The following ESRRG variants were observed in gnomAD, a reference collection of about 807,000 sequenced individuals.
ESRRG encodes estrogen related receptor gamma, also known as estrogen-related receptor gamma.
Under a neutral mutation model 44.0 loss-of-function variants are expected in ESRRG, and 13 were observed. The ratio of observed to expected loss-of-function variants is 0.30; its 90% CI spans 0.19 to 0.47. ESRRG has a LOEUF of 0.47. ESRRG is among the 20% of genes least tolerant of loss of function. The pLI is 1.00. For synonymous variants in ESRRG, 215 were observed against 214.6 expected (o/e 1.00, Z -0.02); for missense variants, 395 against 580.6 (o/e 0.68, Z 3.29).
At chr1:217,029,903 G>A (rs567154788) in intron 1 of ESRRG, among the ~76,000 whole-genome samples, 8 of 152,256 alleles carry the variant, frequency 5.3e-5, no homozygotes, top group Admixed American at 2.0e-4. Context: ...GCAATGAAAC[G>A]CTCTTTCTTC....
chr1:216,835,305 GGAA>G (rs1269800059), intron 2 of ESRRG, among the ~76,000 whole-genome samples: 1 of 152,166 alleles, frequency 6.6e-6, no homozygotes, highest in African/African-American at 2.4e-5. Context: ...GCCACTTGGT[GGAA>G]GAAGATTATA....
At chr1:216,910,692 A>G (rs74446306) in intron 2 of ESRRG, among the ~76,000 whole-genome samples, 195 of 152,290 alleles carry the variant, frequency 1.3e-3, no homozygotes, top group African/African-American at 4.5e-3. Flanking sequence ...CTTTGTTACG[A>G]TGAGGGGCAT....
At chr1:217,036,497 G>A (rs12740135) in intron 1 of ESRRG, among the ~76,000 whole-genome samples, 4 of 152,170 alleles carry the variant, frequency 2.6e-5, no homozygotes, top group African/African-American at 9.7e-5. Flanking sequence ...AAAGGTCCAA[G>A]ATCATGTCCT....
upstream of ESRRG, among the ~76,000 whole-genome samples, chr1:217,093,048 A>G (rs2092371980): frequency 6.6e-6 from 1 of 152,182 alleles, no homozygotes; most frequent in Non-Finnish European, 1.5e-5. Flanking sequence ...AAACTTAATT[A>G]TTATGACTTT....
intron 1 of ESRRG, among the ~76,000 whole-genome samples, chr1:217,123,711 C>CA (rs1221263762): frequency 6.6e-6 from 1 of 152,032 alleles, no homozygotes; most frequent in Admixed American, 6.6e-5. Context: ...AATGATAACA[C>CA]ATGGACACAG....
intron 2 of ESRRG, among the ~76,000 whole-genome samples, chr1:216,781,274 C>T (rs1383718626): frequency 6.7e-6 from 1 of 149,996 alleles, no homozygotes; most frequent in South Asian, 2.1e-4. Context: ...CCCTGAACAA[C>T]CAAAATAAAA....
At chr1:216,542,508 G>A (rs1354632355) in intron 5 of ESRRG, among the ~76,000 whole-genome samples, 1 of 151,930 alleles carries the variant, frequency 6.6e-6, no homozygotes. Flanking sequence ...ATGTAACAGG[G>A]AGAATTAACA....
chr1:217,072,599 G>T (rs984892686), intron 1 of ESRRG, among the ~76,000 whole-genome samples: 1 of 152,150 alleles, frequency 6.6e-6, no homozygotes, highest in African/African-American at 2.4e-5. Context: ...CTTTCCCAAG[G>T]ATTGCGGAAT....
intron 1 of ESRRG, among the ~76,000 whole-genome samples, chr1:216,981,621 T>C (rs1386892260): frequency 6.6e-6 from 1 of 152,164 alleles, no homozygotes; most frequent in African/African-American, 2.4e-5. Context: ...TAAAAATTAA[T>C]TTATTGGTTC....
At chr1:216,912,194 AGGAGAGG>A (rs2060512788) in intron 2 of ESRRG, among the ~76,000 whole-genome samples, 4 of 10,540 alleles carry the variant, frequency 3.8e-4, no homozygotes, top group Admixed American at 2.5e-3. Context: ...AGGAGAGGAG[AGGAGAGG>A]AGAGGAGAGG....
At chr1:216,599,007 A>C (rs965864218) in intron 3 of ESRRG, among the ~76,000 whole-genome samples, 11 of 152,218 alleles carry the variant, frequency 7.2e-5, no homozygotes, top group African/African-American at 2.4e-4. Context: ...TGAGTGCAAG[A>C]GGGATCTGGG....
At chr1:216,750,981 G>A (rs1436865950) in intron 2 of ESRRG, among the ~76,000 whole-genome samples, 5 of 152,194 alleles carry the variant, frequency 3.3e-5, no homozygotes, top group Admixed American at 6.5e-5. Context: ...TGGTTCATAA[G>A]AACATAAAAT....
chr1:216,708,868 G>A (rs558953136), intron 1 of ESRRG, among the ~76,000 whole-genome samples: 3 of 152,188 alleles, frequency 2.0e-5, no homozygotes, highest in East Asian at 1.9e-4. Flanking sequence ...TATACACCAC[G>A]GAATACTGTG....
intron 2 of ESRRG, among the ~76,000 whole-genome samples, chr1:216,797,385 C>G (rs1456810966): frequency 6.6e-6 from 1 of 152,122 alleles, no homozygotes; most frequent in African/African-American, 2.4e-5. Flanking sequence ...TTAGGCTTCT[C>G]CTGAATGTCA....
At chr1:216,813,707 C>T (rs928978833) in intron 2 of ESRRG, among the ~76,000 whole-genome samples, 2 of 152,160 alleles carry the variant, frequency 1.3e-5, no homozygotes, top group African/African-American at 4.8e-5. Flanking sequence ...GAAGCTCAGA[C>T]AGGTGGATAT....
chr1:216,576,988 G>A (rs1044453415), intron 3 of ESRRG, among the ~76,000 whole-genome samples: 10 of 151,886 alleles, frequency 6.6e-5, no homozygotes, highest in South Asian at 2.1e-4. Context: ...GACAAGCCTC[G>A]AACCTTTTAT....
intron 3 of ESRRG, among the ~76,000 whole-genome samples, chr1:216,587,150 A>G (rs1471919011): frequency 2.0e-5 from 3 of 152,228 alleles, no homozygotes; most frequent in African/African-American, 7.2e-5. Context: ...TATGAAATAG[A>G]CAAGAAAATC....
At chr1:216,740,516 T>C (rs183684032) in intron 2 of ESRRG, among the ~76,000 whole-genome samples, 1 of 152,112 alleles carries the variant, frequency 6.6e-6, no homozygotes, top group Admixed American at 6.5e-5. Flanking sequence ...TATATTGCAT[T>C]TACATTTCTA....
At chr1:216,698,409 C>T (rs1444763650) in intron 1 of ESRRG, among the ~76,000 whole-genome samples, 2 of 150,792 alleles carry the variant, frequency 1.3e-5, no homozygotes, top group Non-Finnish European at 2.9e-5. Flanking sequence ...GTCCCAGCTA[C>T]TCGGGAAGCT....
Sources: gnomAD v4.1 joint callset for allele counts (sites outside exome capture counted in the v4.1 genomes callset) on GRCh38, gnomAD v4.1.1 for gene constraint, MANE v1.5 for transcripts, NCBI Gene and HGNC (gene_info 2026-07-23, HGNC 2026-07-21) for gene names.